Variants in CIB1 observed in about 807,000 individuals in gnomAD.
The protein encoded by CIB1 is calcium and integrin binding 1.
Under a neutral mutation model 25.0 loss-of-function variants are expected in CIB1, and 19 were observed. The ratio of observed to expected loss-of-function variants is 0.76; its 90% CI spans 0.53 to 1.12. CIB1 has a LOEUF of 1.12. Ranked by LOEUF, CIB1 falls within the 50% of genes most tolerant of loss-of-function variation. The pLI is 0.00. For missense variants in CIB1, 236 were observed against 242.6 expected, an observed-to-expected ratio of 0.97 and a Z score of 0.18; for synonymous variants, 104 against 98.5, an observed-to-expected ratio of 1.06 and a Z score of -0.33.
At chr15:90,248,424 C>G in the CIB1 span, among the ~76,000 whole-genome samples, 6 of 152,052 alleles carry the variant, frequency 3.9e-5, no homozygotes, top group Non-Finnish European at 5.9e-5. Flanking sequence ...AATGTCCATG[C>G]CTTTTTTAGG....
the CIB1 span, chr15:90,263,543 C>A: frequency 9.1e-6 from 5 of 549,776 alleles, no homozygotes; most frequent in Non-Finnish European, 6.5e-6. Flanking sequence ...TTTGGGCCAA[C>A]AAAAGAGCTG....
chr15:90,240,874 G>A, the CIB1 span: 1 of 1,475,448 alleles, frequency 6.8e-7, no homozygotes, highest in African/African-American at 1.4e-5. Flanking sequence ...ACCATCATGT[G>A]TTTTCATCTT....
intron 6 of CIB1, 129 bp from the exon 7 acceptor site, chr15:90,230,634 A>G: frequency 1.0e-6 from 1 of 993,664 alleles, no homozygotes; most frequent in Non-Finnish European, 1.5e-6. Context: ...CCCCCTCTGC[A>G]AGAACTCCCC....
the CIB1 span, chr15:90,241,756 A>G: frequency 1.2e-4 from 186 of 1,614,104 alleles, 1 homozygote; most frequent in Middle Eastern, 4.9e-4. Flanking sequence ...CTGACTGACC[A>G]TGAGATTGCT....
chr15:90,241,820 A>G, the CIB1 span: 3 of 1,614,046 alleles, frequency 1.9e-6, no homozygotes, highest in African/African-American at 2.7e-5. Flanking sequence ...CACCTTCCTC[A>G]GCCCTCACAG....
At chr15:90,235,786 T>C (rs1482565143), upstream of CIB1, among the ~76,000 whole-genome samples, 1 of 151,978 alleles carries the variant, frequency 6.6e-6, no homozygotes, top group African/African-American at 2.4e-5. Flanking sequence ...GCCAGGATGG[T>C]CTGGATCTCC....
chr15:90,265,486 T>C, the CIB1 span: 1 of 1,403,896 alleles, frequency 7.1e-7, no homozygotes, highest in Non-Finnish European at 9.2e-7. Context: ...TCCAGGAGCG[T>C]CCTGTACCTC....
chr15:90,255,937 G>A, the CIB1 span: 22 of 1,611,922 alleles, frequency 1.4e-5, no homozygotes, highest in Middle Eastern at 1.7e-4. Context: ...GAAAAGGGTC[G>A]CTCTCAGAGC....
chr15:90,263,093 C>A, the CIB1 span: 1 of 1,536,084 alleles, frequency 6.5e-7, no homozygotes, highest in Non-Finnish European at 8.7e-7. Context: ...GAGCAGCTCA[C>A]CCGTCTGCAG....
the CIB1 span, among the ~76,000 whole-genome samples, chr15:90,239,055 A>T: frequency 6.6e-6 from 1 of 152,320 alleles, no homozygotes; most frequent in South Asian, 2.1e-4. Flanking sequence ...GTGTGAGTGT[A>T]TAGGATGTTC....
upstream of CIB1, among the ~76,000 whole-genome samples, chr15:90,237,580 G>A (rs546430936): frequency 5.9e-4 from 90 of 152,198 alleles, 5 homozygotes; most frequent in South Asian, 0.018. Context: ...GTGAGCCACC[G>A]CACCCAGCCC....
At chr15:90,250,589 T>C in the CIB1 span, 4 of 1,593,946 alleles carry the variant, frequency 2.5e-6, no homozygotes, top group Non-Finnish European at 3.4e-6. Context: ...AGGTCTGATA[T>C]ACACTTCATT....
chr15:90,237,383 G>A (rs938255010), upstream of CIB1, among the ~76,000 whole-genome samples: 1 of 143,702 alleles, frequency 7.0e-6, no homozygotes, highest in Non-Finnish European at 1.5e-5. Context: ...CCAGGTTCAA[G>A]TGATTCTCCT....
chr15:90,251,572 G>A, the CIB1 span: 1 of 1,613,864 alleles, frequency 6.2e-7, no homozygotes, highest in South Asian at 1.1e-5. Flanking sequence ...CCATCAACCT[G>A]ACCAACTGCA....
the CIB1 span, chr15:90,253,268 G>A: frequency 1.9e-6 from 3 of 1,613,916 alleles, no homozygotes; most frequent in South Asian, 2.2e-5. Context: ...CAGCCCAAAT[G>A]TGTGGCCTGA....
At chr15:90,236,454 T>C (rs1219264035), upstream of CIB1, among the ~76,000 whole-genome samples, 1 of 152,226 alleles carries the variant, frequency 6.6e-6, no homozygotes, top group Non-Finnish European at 1.5e-5. Flanking sequence ...CAACCTTTGG[T>C]TTTCATTTTG....
the CIB1 span, among the ~76,000 whole-genome samples, chr15:90,249,024 A>G: frequency 6.6e-6 from 1 of 152,096 alleles, no homozygotes; most frequent in Non-Finnish European, 1.5e-5. Flanking sequence ...TCTTGAATGC[A>G]TAGGCTTTGC....
chr15:90,257,912 C>A, the CIB1 span: 2 of 999,902 alleles, frequency 2.0e-6, no homozygotes, highest in Non-Finnish European at 3.0e-6. Flanking sequence ...CTAGTCCCTG[C>A]TCCAAACTGC....
At chr15:90,240,387 A>G in the CIB1 span, among the ~76,000 whole-genome samples, 14 of 150,954 alleles carry the variant, frequency 9.3e-5, no homozygotes, top group African/African-American at 3.2e-4. Context: ...GGGTGCCTGT[A>G]ATTCCAGCTG....
Sources: allele counts gnomAD v4.1 joint callset (sites outside exome capture counted in the v4.1 genomes callset), GRCh38; gene constraint gnomAD v4.1.1; transcripts MANE v1.5; gene names NCBI Gene and HGNC (gene_info 2026-07-23, HGNC 2026-07-21).